Variants in DOCK1 observed in about 807,000 individuals in gnomAD.
DOCK1 encodes dedicator of cytokinesis 1, also known as dedicator of cytokinesis protein 1.
In DOCK1, 138 loss-of-function variants were observed where a neutral mutation model predicts 262.7. That is an observed-to-expected ratio of 0.53 (90% CI 0.46 to 0.61). The LOEUF is 0.61. Among genes scored for constraint, DOCK1 ranks in the 20% least tolerant of loss-of-function variants. The pLI is 0.00. For synonymous variants in DOCK1, 866 were observed against 867.4 expected, an observed-to-expected ratio of 1.00 and a Z score of 0.03; for missense variants, 1,908 against 2,370.7, an observed-to-expected ratio of 0.80 and a Z score of 4.05.
chr10:127,212,234 A>G (rs529757148), intron 27 of DOCK1, among the ~76,000 whole-genome samples: 1 of 152,254 alleles, frequency 6.6e-6, no homozygotes, highest in East Asian at 1.9e-4. Flanking sequence ...TGGGTAAGGC[A>G]TTAAATTATT....
intron 27 of DOCK1, among the ~76,000 whole-genome samples, chr10:127,174,553 T>A (rs886840173): frequency 6.6e-6 from 1 of 152,172 alleles, no homozygotes; most frequent in Non-Finnish European, 1.5e-5. Context: ...GAAGTTAGTA[T>A]CATTCTTTCT....
At chr10:127,220,766 C>T (rs1473627138) in intron 27 of DOCK1, among the ~76,000 whole-genome samples, 1 of 151,906 alleles carries the variant, frequency 6.6e-6, no homozygotes, top group East Asian at 1.9e-4. Context: ...AAAGAATTTG[C>T]CCTTTTTTTT....
intron 29 of DOCK1, among the ~76,000 whole-genome samples, chr10:127,332,451 C>T (rs943529711): frequency 3.9e-5 from 6 of 152,194 alleles, no homozygotes; most frequent in Non-Finnish European, 8.8e-5. Flanking sequence ...CTTCCCTGCT[C>T]CTGACCCCAG....
At chr10:126,939,302 A>G (rs1182458656) in intron 1 of DOCK1, among the ~76,000 whole-genome samples, 10 of 152,190 alleles carry the variant, frequency 6.6e-5, no homozygotes, top group African/African-American at 2.4e-4. Context: ...GTTTCAACAC[A>G]TGAATTCTGG....
Position 127,175,854 on chromosome 10 carries a change from A to T in DOCK1, c.2847+48090A>T. 3 of 1,614,018 alleles carry T rather than the reference A, an allele frequency of 1.9e-6. No individual in the cohort carries two copies. Among genetic ancestry groups the T allele is most frequent in the Non-Finnish European group, 2.5e-6 (3 of 1,180,002 alleles). On this transcript the variant is annotated intron_variant, in intron 27 of 51. Coordinates refer to ENST00000623213, the MANE Select transcript of DOCK1 (RefSeq NM_001290223.2). This position sits in a 1 kb window ranked among gnomAD's most constrained non-coding sequence, Gnocchi z 6.3. ...CCCCAAAGGCTGGTCCACTGTGTTC[A>T]TGTGTTGGTTGGAATGGAAAACCAA... is the stretch of plus-strand genomic sequence containing the variant.
At chr10:127,035,590 G>GATT (rs1054926608) in intron 18 of DOCK1, among the ~76,000 whole-genome samples, 134 of 152,296 alleles carry the variant, frequency 8.8e-4, no homozygotes, top group African/African-American at 2.9e-3. Flanking sequence ...AGGGGATCCA[G>GATT]ATTATTACTG....
Position 127,446,787 on chromosome 10 carries a change from A to G in DOCK1, c.5414-607A>G, listed in dbSNP as rs768995162. On this transcript the variant is annotated intron_variant, in intron 50 of 51. Coordinates refer to ENST00000623213, the MANE Select transcript of DOCK1 (RefSeq NM_001290223.2). The surrounding 1 kb of genome is among the most constrained non-coding windows in gnomAD (Gnocchi z 4.4). The stretch of plus-strand genomic sequence containing the variant: ...ATTATTCCTCCGTTTGAAAACGGCT[A>G]TTTTTTCCAGTTTACTTTAAAAATC... 2.6e-5 allele frequency among the ~76,000 whole-genome samples: 4 copies of G among 152,094 alleles called. No homozygotes were observed. The highest frequency in any genetic ancestry group is 4.8e-5 in the African/African-American group (2 of 41,420).
chr10:127,283,504 C>T (rs990243260), intron 29 of DOCK1, among the ~76,000 whole-genome samples: 3 of 152,206 alleles, frequency 2.0e-5, no homozygotes, highest in African/African-American at 2.4e-5. Flanking sequence ...ATAAAGCCAT[C>T]CTATATCTTC....
intron 22 of DOCK1, among the ~76,000 whole-genome samples, chr10:127,057,599 C>T (rs2045247442): frequency 6.6e-6 from 1 of 152,216 alleles, no homozygotes; most frequent in African/African-American, 2.4e-5. Flanking sequence ...TGAAAGATTC[C>T]TGACAGCCGG....
chr10:127,444,043 G>T, intron 49 of DOCK1, 83 bp from the exon 50 acceptor site: 2 of 1,515,696 alleles, frequency 1.3e-6, no homozygotes, highest in South Asian at 2.4e-5. Context: ...TGGGGGTCAG[G>T]ACTTCAACAT....
intron 24 of DOCK1, among the ~76,000 whole-genome samples, chr10:127,109,418 A>G (rs1411604764): frequency 1.3e-5 from 2 of 152,246 alleles, no homozygotes; most frequent in Non-Finnish European, 2.9e-5. Flanking sequence ...AAAGTCACCT[A>G]TTGTAGACGG....
At chr10:127,324,305 C>G (rs2062664817) in intron 29 of DOCK1, among the ~76,000 whole-genome samples, 1 of 152,224 alleles carries the variant, frequency 6.6e-6, no homozygotes, top group Non-Finnish European at 1.5e-5. Context: ...CGTCACCTGC[C>G]TGTCATCTCA....
chr10:126,997,926 G>A, intron 7 of DOCK1, 166 bp from the exon 8 acceptor site: 2 of 826,320 alleles, frequency 2.4e-6, no homozygotes, highest in Non-Finnish European at 3.7e-6. Context: ...TTGTGTGAAT[G>A]CATGATTTAA....
intron 27 of DOCK1, among the ~76,000 whole-genome samples, chr10:127,206,516 G>A (rs1020318687): frequency 2.0e-5 from 3 of 152,276 alleles, no homozygotes; most frequent in Admixed American, 1.3e-4. Flanking sequence ...GTACAGAATT[G>A]TTTGTTGTGG....
At position 127,008,741 on chromosome 10, in the gene DOCK1, T is replaced by C. The variant is rs2135267980; in HGVS notation, c.995T>C (p.Val332Ala). The C allele has an allele frequency of 6.3e-7, 1 of 1,592,972 alleles. No individual in the cohort carries two copies. Among genetic ancestry groups the C allele is most frequent in the Admixed American group, 1.8e-5 (1 of 57,102 alleles). ...CTCTTTTTGTCTCCAGTGATGGATG[T>C]AACAGATATAATAAATGGAAAAGTA... ...RRPFGVAVMD[V>A]TDIINGKVDD... The change falls in exon 11 of 52, where the codon GTA becomes GCA. Residue 332 changes from valine to alanine, a missense_variant. Val to Ala is a moderately conservative substitution (Grantham distance 64, BLOSUM62 0). Transcript: ENST00000623213.
At chr10:126,979,258 C>T (rs71490797) in intron 3 of DOCK1, among the ~76,000 whole-genome samples, 18,073 of 152,136 alleles carry the variant, frequency 0.12, 1,736 homozygotes, top group East Asian at 0.48. Flanking sequence ...CAAAGATATG[C>T]ACCTGTAGGC....
intron 1 of DOCK1, among the ~76,000 whole-genome samples, chr10:126,947,702 T>TTGG (rs1453126303): frequency 1.7e-4 from 24 of 137,956 alleles, no homozygotes; most frequent in African/African-American, 6.0e-4. Context: ...AGTATTACTG[T>TTGG]TGGTGGTGAT....
At chr10:126,997,904 A>AT in intron 7 of DOCK1, 188 bp from the exon 8 acceptor site, 1 of 691,444 alleles carries the variant, frequency 1.4e-6, no homozygotes, top group Non-Finnish European at 2.3e-6. Flanking sequence ...ACAGGATACA[A>AT]TTTTTTGTCT....
intron 32 of DOCK1, among the ~76,000 whole-genome samples, chr10:127,361,327 G>A (rs1215460892): frequency 2.0e-5 from 3 of 151,974 alleles, no homozygotes; most frequent in Non-Finnish European, 4.4e-5. Context: ...TGTTAGCCAG[G>A]ATGGTCTCGA....
Sources: allele counts gnomAD v4.1 joint callset (sites outside exome capture counted in the v4.1 genomes callset), GRCh38; gene constraint gnomAD v4.1.1; non-coding constraint Gnocchi (gnomAD v3.1); transcripts MANE v1.5; gene names NCBI Gene and HGNC (gene_info 2026-07-23, HGNC 2026-07-21).